SCN8A: variants seen among roughly 807,000 people sequenced by gnomAD.
The protein encoded by SCN8A is sodium channel protein type 8 subunit alpha.
Under a neutral mutation model 184.1 loss-of-function variants are expected in SCN8A, and 30 were observed. That is an observed-to-expected ratio of 0.16 (90% CI 0.12 to 0.22). The LOEUF is 0.22. Among genes scored for constraint, SCN8A ranks in the 10% least tolerant of loss-of-function variants. SCN8A has a pLI of 1.00. For missense variants in SCN8A, 1,057 were observed against 2,498.9 expected (o/e 0.42, Z 12.30); for synonymous variants, 852 against 907.0 (o/e 0.94, Z 1.09).
chr12:51,667,838 T>G (rs954463043), intron 2 of SCN8A, among the ~76,000 whole-genome samples: 2 of 152,152 alleles, frequency 1.3e-5, no homozygotes, highest in African/African-American at 4.8e-5. Flanking sequence ...AAATTTAAAT[T>G]ACAAGATTGA....
intron 3 of SCN8A, among the ~76,000 whole-genome samples, chr12:51,684,715 T>A (rs907255366): frequency 3.3e-5 from 5 of 152,196 alleles, no homozygotes; most frequent in Admixed American, 3.3e-4. Context: ...TTTGAATTTT[T>A]AAAAAATTTT....
At position 51,770,517 on chromosome 12, in the gene SCN8A, C is replaced by T. The variant is rs369532655; in HGVS notation, c.3491-12C>T. The T allele has an allele frequency of 1.8e-4, 289 of 1,581,104 alleles. No individual in the cohort carries two copies. Among genetic ancestry groups the T allele is most frequent in the Non-Finnish European group, 2.3e-4 (268 of 1,161,974 alleles). ...TTTCCACGGTCTGACCCGCCTCTCC[C>T]GCTGGTGCCAGGTTGTGTCCAGCGG... On this transcript the variant is annotated splice_polypyrimidine_tract_variant and intron_variant, in intron 18 of 26. Coordinates refer to ENST00000627620, the MANE Select transcript of SCN8A (RefSeq NM_001330260.2).
chr12:51,655,710 G>T (rs1940809964), intron 1 of SCN8A, among the ~76,000 whole-genome samples: 1 of 152,156 alleles, frequency 6.6e-6, no homozygotes, highest in Non-Finnish European at 1.5e-5. Context: ...ACAACCAAAA[G>T]AAGAGAGCTC....
At chr12:51,780,067 C>A (rs981820262) in intron 20 of SCN8A, 5 of 294,738 alleles carry the variant, frequency 1.7e-5, no homozygotes, top group Admixed American at 8.1e-5. Flanking sequence ...CGTGACGCAT[C>A]AGATTCTCAA....
At chr12:51,800,927 CTTTATTCAAGGGGAATA>C (rs1938538748) in intron 26 of SCN8A, among the ~76,000 whole-genome samples, 1 of 152,192 alleles carries the variant, frequency 6.6e-6, no homozygotes, top group Non-Finnish European at 1.5e-5. Context: ...CAGGCCTCCC[CTTTATTCAAGGGGAATA>C]TTATTCTGGG....
At chr12:51,660,954 G>A (rs987192938) in intron 1 of SCN8A, among the ~76,000 whole-genome samples, 2 of 151,958 alleles carry the variant, frequency 1.3e-5, no homozygotes, top group African/African-American at 2.4e-5. Flanking sequence ...TTTAGGTTGG[G>A]GAAAGCATTG....
chr12:51,746,273 A>G (rs1942510887), intron 13 of SCN8A, among the ~76,000 whole-genome samples: 1 of 152,202 alleles, frequency 6.6e-6, no homozygotes, highest in African/African-American at 2.4e-5. Flanking sequence ...CGTAAGAGAT[A>G]GGAAAGGACC....
intron 13 of SCN8A, among the ~76,000 whole-genome samples, chr12:51,750,290 GACAATAACACTTT>G (rs1942576592): frequency 6.6e-6 from 1 of 152,106 alleles, no homozygotes; most frequent in African/African-American, 2.4e-5. Flanking sequence ...GATCTTGTTT[GACAATAACACTTT>G]CTGTTTCTAA....
intron 13 of SCN8A, among the ~76,000 whole-genome samples, chr12:51,746,400 A>G (rs1430803306): frequency 1.3e-5 from 2 of 152,238 alleles, no homozygotes; most frequent in Non-Finnish European, 2.9e-5. Flanking sequence ...ACAAAATCAT[A>G]GAATTTCCCT....
chr12:51,763,641 C>T (rs1481792635), intron 15 of SCN8A, among the ~76,000 whole-genome samples: 1 of 152,160 alleles, frequency 6.6e-6, no homozygotes, highest in African/African-American at 2.4e-5. Flanking sequence ...CTCTTAATGA[C>T]TTAAAATGAC....
chr12:51,603,385 C>T (rs1317910169), intron 1 of SCN8A, among the ~76,000 whole-genome samples: 4 of 152,054 alleles, frequency 2.6e-5, no homozygotes, highest in Non-Finnish European at 5.9e-5. Flanking sequence ...TTGTATGTAA[C>T]TGTTCCAATG....
intron 26 of SCN8A, among the ~76,000 whole-genome samples, chr12:51,799,842 A>G (rs891482537): frequency 6.6e-6 from 1 of 152,186 alleles, no homozygotes; most frequent in African/African-American, 2.4e-5. Flanking sequence ...TTCACCTTAG[A>G]AGGAATATCT....
chr12:51,679,661 A>G (rs1398456228), intron 2 of SCN8A, among the ~76,000 whole-genome samples: 1 of 151,394 alleles, frequency 6.6e-6, no homozygotes, highest in African/African-American at 2.4e-5. Flanking sequence ...TGCAAGCCCC[A>G]GTATTAAAAG....
rs143131370 is a variant in SCN8A, at chr12:51,784,996, G to A, written c.3943-1546G>A. ...CACGATCTCCCACCTAAGGTCTGCT[G>A]TGAAATGCTGTCACATAGACTTGAG... On this transcript the variant is annotated intron_variant, in intron 21 of 26. Transcript: ENST00000627620. Among the ~76,000 whole-genome samples the A allele has an allele frequency of 2.6e-5, 4 of 152,338 alleles. No homozygotes were observed. In the East Asian group the frequency reaches 7.7e-4, roughly 29 times the overall value.
At chr12:51,665,999 T>C (rs2086691) in intron 2 of SCN8A, among the ~76,000 whole-genome samples, 7,650 of 151,966 alleles carry the variant, frequency 0.05, 256 homozygotes, top group East Asian at 0.13. Flanking sequence ...GAGGTGGAGG[T>C]TGCAGTCAGC....
At position 51,593,866 on chromosome 12, in the gene SCN8A, A is replaced by G. The variant is rs914434402; in HGVS notation, c.-55+2507A>G. Among the ~76,000 whole-genome samples, 13 of 152,328 alleles carry G rather than the reference A, an allele frequency of 8.5e-5. No homozygotes were observed. In the East Asian group the frequency reaches 2.5e-3, roughly 29 times the overall value. On this transcript the variant is annotated intron_variant, in intron 1 of 26. Coordinates refer to ENST00000627620, the MANE Select transcript of SCN8A (RefSeq NM_001330260.2). ...GCTGCAACAGATCCATATGTAAGCC[A>G]TAAGTGACATTTTGCTGACTGCATT...
At chr12:51,626,010 A>G (rs1940069875) in intron 1 of SCN8A, among the ~76,000 whole-genome samples, 1 of 152,190 alleles carries the variant, frequency 6.6e-6, no homozygotes, top group South Asian at 2.1e-4. Context: ...CCAAGACAAG[A>G]GGGCATTCTG....
intron 11 of SCN8A, among the ~76,000 whole-genome samples, chr12:51,711,550 G>C (rs1311631728): frequency 6.6e-6 from 1 of 152,128 alleles, no homozygotes; most frequent in Non-Finnish European, 1.5e-5. Flanking sequence ...TTGAACCCAG[G>C]TTCATCCAAC....
chr12:51,624,307 A>T (rs1379975603), intron 1 of SCN8A, among the ~76,000 whole-genome samples: 1 of 152,148 alleles, frequency 6.6e-6, no homozygotes, highest in Non-Finnish European at 1.5e-5. Context: ...CGCCATTCTA[A>T]CTGGTGTGAG....
Sources: allele counts gnomAD v4.1 joint callset (sites outside exome capture counted in the v4.1 genomes callset), GRCh38; gene constraint gnomAD v4.1.1; transcripts MANE v1.5; gene names NCBI Gene and HGNC (gene_info 2026-07-23, HGNC 2026-07-21).